ERC1: variants seen among roughly 807,000 people sequenced by gnomAD.
ERC1 encodes the protein ELKS/RAB6-interacting/CAST family member 1.
ERC1 carries 56 observed loss-of-function variants against 132.0 expected under a neutral mutation model. The ratio of observed to expected loss-of-function variants is 0.42; its 90% confidence interval spans 0.34 to 0.53. The LOEUF is 0.53. Among genes scored for constraint, ERC1 ranks in the 20% least tolerant of loss-of-function variants. The pLI is 0.03. For synonymous variants in ERC1, 478 were observed against 476.1 expected, an observed-to-expected ratio of 1.00 and a Z score of -0.05; for missense variants, 1,202 against 1,349.9, an observed-to-expected ratio of 0.89 and a Z score of 1.72.
Position 1,108,358 on chromosome 12 carries a change from C to T in ERC1, c.1162-1834C>T, listed in dbSNP as rs1945485859. On this transcript the variant is annotated intron_variant, in intron 4 of 18. Transcript: ENST00000360905. ...AGAGGCTCTGTACAGGTTCCGGCTG[C>T]CATGTGATGTACAGAGTTGGAGTTC... Among the ~76,000 whole-genome samples, 3 of 152,280 alleles carry T rather than the reference C, an allele frequency of 2.0e-5. No homozygotes were observed. In the South Asian group the frequency reaches 6.2e-4, roughly 32 times the overall value.
At chr12:1,155,051 C>T (rs936185700) in intron 8 of ERC1, among the ~76,000 whole-genome samples, 2 of 152,172 alleles carry the variant, frequency 1.3e-5, no homozygotes, top group African/African-American at 2.4e-5. Flanking sequence ...GGCGTAGTGG[C>T]TCACACCTGT....
chr12:1,151,891 G>A (rs1950870330), intron 8 of ERC1: 1 of 152,210 alleles, frequency 6.6e-6, no homozygotes, highest in South Asian at 2.1e-4. Context: ...CTGGATTGAT[G>A]ATGGAGTTTA....
intron 15 of ERC1, among the ~76,000 whole-genome samples, chr12:1,364,817 T>C (rs751269805): frequency 1.4e-4 from 21 of 152,240 alleles, no homozygotes; most frequent in Non-Finnish European, 2.6e-4. Context: ...CAAAATTACT[T>C]ACACAATATC....
In ERC1 at chr12:1,028,121, A is replaced by G. The variant is rs1251756585; in HGVS notation, c.218A>G (p.Tyr73Cys). The stretch of plus-strand genomic sequence containing the variant: ...GCCTATGCCACCTCTGGCCCTATGT[A>G]TCTAAGTGACCATGAAAATGTGGGT... ...NAAYATSGPM[Y>C]LSDHENVGSE... Residue 73 changes from tyrosine to cysteine, a missense_variant, in exon 2 of 19, where the codon TAT becomes TGT. By Grantham distance (194) the Tyr-to-Cys change is radical (BLOSUM62 -2). Transcript: ENST00000360905. The G allele has an allele frequency of 1.2e-6, 2 of 1,614,180 alleles. No homozygotes were observed. The highest frequency in any genetic ancestry group is 1.7e-6 in the Non-Finnish European group (2 of 1,180,030).
intron 15 of ERC1, among the ~76,000 whole-genome samples, chr12:1,318,039 C>T (rs1382414111): frequency 1.3e-5 from 2 of 152,120 alleles, no homozygotes; most frequent in African/African-American, 4.8e-5. Flanking sequence ...TAAAAATTTA[C>T]AAATACTATT....
intron 15 of ERC1, among the ~76,000 whole-genome samples, chr12:1,350,074 G>A (rs1330630043): frequency 1.3e-5 from 2 of 152,210 alleles, no homozygotes; most frequent in Admixed American, 6.5e-5. Context: ...TTTAAAGGAT[G>A]AGGGAAAAAT....
At position 1,165,553 on chromosome 12, in the gene ERC1, GCCTCGGCCTCCCAAAGTGCTGGGATTA is replaced by G. The variant is rs779972674; in HGVS notation, c.1738-14958_1738-14932del. 1.4e-4 allele frequency among the ~76,000 whole-genome samples: 22 copies of G among 152,122 alleles called. No individual in the cohort carries two copies. The East Asian group carries it at 2.9e-3, about 20-fold the overall frequency. On this transcript the variant is annotated intron_variant, in intron 8 of 18. Transcript: ENST00000360905. Reference sequence around the variant, plus strand: ...GATCTCCTGACCTCATGATCCACCCGCCTCGGCCTCCCAAAGTGCTGGGATTACCTCGGCCTCCCAAAGTGCTGGGAT... The same window carrying G: ...GATCTCCTGACCTCATGATCCACCCGCCTCGGCCTCCCAAAGTGCTGGGAT...
At chr12:1,200,535 G>A (rs542966222) in intron 12 of ERC1, among the ~76,000 whole-genome samples, 3 of 151,442 alleles carry the variant, frequency 2.0e-5, no homozygotes, top group African/African-American at 7.3e-5. Context: ...TTCTCATTCT[G>A]CTATCTAATC....
chr12:1,284,860 G>T (rs1182997495), intron 14 of ERC1, among the ~76,000 whole-genome samples: 6 of 152,132 alleles, frequency 3.9e-5, no homozygotes, highest in African/African-American at 1.4e-4. Context: ...CTGTGGCCTA[G>T]GCTGGCCTCA....
intron 16 of ERC1, among the ~76,000 whole-genome samples, chr12:1,393,607 C>CGT (rs34533745): frequency 0.023 from 3,258 of 140,148 alleles, 107 homozygotes; most frequent in Admixed American, 0.1. Flanking sequence ...AGAGAACACA[C>CGT]GTGTGTGTGT....
intron 14 of ERC1, among the ~76,000 whole-genome samples, chr12:1,288,060 T>G (rs1305356163): frequency 6.6e-6 from 1 of 152,232 alleles, no homozygotes; most frequent in Non-Finnish European, 1.5e-5. Context: ...TTCATAGAGA[T>G]TATGTTGAAC....
chr12:1,106,185 G>C (rs1945243422), intron 4 of ERC1, among the ~76,000 whole-genome samples: 1 of 152,102 alleles, frequency 6.6e-6, no homozygotes, highest in South Asian at 2.1e-4. Flanking sequence ...TCATCCAGTG[G>C]GTCGTTTTGA....
intron 2 of ERC1, among the ~76,000 whole-genome samples, chr12:1,036,024 A>G (rs1447552117): frequency 6.6e-6 from 1 of 152,100 alleles, no homozygotes; most frequent in Non-Finnish European, 1.5e-5. Context: ...ATAATTCTGT[A>G]TGTTAAATTT....
intron 13 of ERC1, among the ~76,000 whole-genome samples, chr12:1,257,581 T>C (rs1297125101): frequency 6.6e-6 from 1 of 152,150 alleles, no homozygotes; most frequent in African/African-American, 2.4e-5. Flanking sequence ...ATTATCAGGG[T>C]TGGGTAACAT....
intron 7 of ERC1, among the ~76,000 whole-genome samples, chr12:1,120,548 T>A (rs1946965240): frequency 6.6e-6 from 1 of 152,194 alleles, no homozygotes; most frequent in Admixed American, 6.5e-5. Context: ...TTTACAGTAT[T>A]CTCAAGAATT....
intron 15 of ERC1, among the ~76,000 whole-genome samples, chr12:1,339,345 G>A (rs1174821920): frequency 5.4e-4 from 77 of 143,576 alleles, no homozygotes; most frequent in Non-Finnish European, 1.1e-4. Flanking sequence ...GCTAGCAGGT[G>A]CCAGGGTGCC....
At chr12:1,107,379 G>A (rs1238249567) in intron 4 of ERC1, among the ~76,000 whole-genome samples, 7 of 152,182 alleles carry the variant, frequency 4.6e-5, no homozygotes, top group Non-Finnish European at 1.5e-5. Context: ...GTCCTGGACT[G>A]TACCCTGGAT....
chr12:1,340,156 C>T (rs558735322), intron 15 of ERC1, among the ~76,000 whole-genome samples: 2 of 152,202 alleles, frequency 1.3e-5, no homozygotes, highest in East Asian at 1.9e-4. Context: ...TGACAGCCTC[C>T]GGGGTACCCA....
intron 17 of ERC1, chr12:1,443,550 T>G (rs1316929623): frequency 6.6e-6 from 1 of 152,284 alleles, no homozygotes; most frequent in African/African-American, 2.4e-5. Context: ...GTGTGAGCCC[T>G]GGGAACACAC....
Sources: allele counts gnomAD v4.1 joint callset (sites outside exome capture counted in the v4.1 genomes callset), GRCh38; gene constraint gnomAD v4.1.1; transcripts MANE v1.5; gene names NCBI Gene and HGNC (gene_info 2026-07-23, HGNC 2026-07-21).